The following NRG1 variants were observed in gnomAD, a reference collection of about 807,000 sequenced individuals.
NRG1 encodes the protein neuregulin 1.
NRG1 carries 18 observed loss-of-function variants against 63.8 expected under a neutral mutation model. The ratio of observed to expected loss-of-function variants is 0.28; its 90% CI spans 0.19 to 0.42. The LOEUF is 0.42. Among genes scored for constraint, NRG1 ranks in the 10% least tolerant of loss-of-function variants. The probability of loss-of-function intolerance (pLI) is 1.00; values close to 1 mark genes in which losing one functional copy is unlikely to be tolerated. For synonymous variants in NRG1, 302 were observed against 301.3 expected (o/e 1.00, Z -0.02); for missense variants, 762 against 814.7 (o/e 0.94, Z 0.79).
At chr8:31,818,307 A>G (rs989332197) in intron 1 of NRG1, among the ~76,000 whole-genome samples, 2 of 152,160 alleles carry the variant, frequency 1.3e-5, no homozygotes, top group South Asian at 4.1e-4. Context: ...AACAATTTTT[A>G]TGTTTTAAGC....
intron 1 of NRG1, among the ~76,000 whole-genome samples, chr8:32,093,250 G>A (rs1217302205): frequency 6.6e-6 from 1 of 152,124 alleles, no homozygotes; most frequent in Non-Finnish European, 1.5e-5. Flanking sequence ...TATGCAGGAT[G>A]TGCATAGCCC....
chr8:32,075,478 AT>A (rs897928870), intron 1 of NRG1, among the ~76,000 whole-genome samples: 1 of 152,106 alleles, frequency 6.6e-6, no homozygotes, highest in Non-Finnish European at 1.5e-5. Flanking sequence ...TTTCCAATGT[AT>A]TCCAGAACCC....
intron 1 of NRG1, among the ~76,000 whole-genome samples, chr8:31,942,446 A>G (rs1215754998): frequency 1.3e-5 from 2 of 152,152 alleles, no homozygotes; most frequent in Non-Finnish European, 2.9e-5. Flanking sequence ...AGAAGATAAC[A>G]TCAGAAAAAC....
intron 1 of NRG1, among the ~76,000 whole-genome samples, chr8:31,971,625 G>A (rs995456305): frequency 6.6e-6 from 1 of 151,854 alleles, no homozygotes; most frequent in Non-Finnish European, 1.5e-5. Flanking sequence ...TTTAAATGCA[G>A]TACTTTGACT....
At chr8:32,538,190 A>G (rs1436530971) in intron 1 of NRG1, among the ~76,000 whole-genome samples, 1 of 152,088 alleles carries the variant, frequency 6.6e-6, no homozygotes, top group African/African-American at 2.4e-5. Flanking sequence ...ATATTTAGGC[A>G]GAGATTGGGG....
chr8:32,054,034 T>C (rs1822435439), intron 1 of NRG1, among the ~76,000 whole-genome samples: 1 of 152,240 alleles, frequency 6.6e-6, no homozygotes, highest in Admixed American at 6.5e-5. Context: ...TGTAATGGCC[T>C]AAATATGACA....
chr8:32,445,018 T>A (rs1397265170), intron 1 of NRG1, among the ~76,000 whole-genome samples: 3 of 152,200 alleles, frequency 2.0e-5, no homozygotes, highest in Non-Finnish European at 4.4e-5. Flanking sequence ...GTAGCCATTA[T>A]GGGATGTTTT....
chr8:32,640,620 G>GCACACA (rs58796067), intron 5 of NRG1, among the ~76,000 whole-genome samples: 4,985 of 132,226 alleles, frequency 0.038, 103 homozygotes, highest in Middle Eastern at 0.075. Context: ...TCTCAGACCC[G>GCACACA]CACACACACA....
chr8:32,341,049 G>A (rs569463013), intron 1 of NRG1, among the ~76,000 whole-genome samples: 39 of 152,222 alleles, frequency 2.6e-4, no homozygotes, highest in African/African-American at 7.7e-4. Context: ...TGACAATAAC[G>A]AAACATGAGA....
At chr8:32,624,289 G>T (rs893802940) in intron 5 of NRG1, among the ~76,000 whole-genome samples, 3 of 152,190 alleles carry the variant, frequency 2.0e-5, no homozygotes, top group Non-Finnish European at 2.9e-5. Flanking sequence ...CCAGCTGAGT[G>T]GGGGCTGGGG....
At chr8:31,977,923 AC>A (rs1341966399) in intron 1 of NRG1, among the ~76,000 whole-genome samples, 2 of 152,078 alleles carry the variant, frequency 1.3e-5, no homozygotes, top group East Asian at 3.9e-4. Context: ...GTCTTGACAA[AC>A]GGATTCTACA....
chr8:32,629,250 T>A (rs1449010254), intron 5 of NRG1, among the ~76,000 whole-genome samples: 2 of 152,246 alleles, frequency 1.3e-5, no homozygotes, highest in African/African-American at 4.8e-5. Flanking sequence ...GACTATCTTC[T>A]AGTCCCCAGC....
chr8:31,644,675 C>T (rs1156759123), intron 1 of NRG1, among the ~76,000 whole-genome samples: 1 of 152,068 alleles, frequency 6.6e-6, no homozygotes, highest in Admixed American at 6.5e-5. Context: ...TCTATTCATT[C>T]TTCCGGAAAT....
intron 1 of NRG1, among the ~76,000 whole-genome samples, chr8:31,790,780 C>A (rs1445367723): frequency 6.6e-6 from 1 of 152,144 alleles, no homozygotes; most frequent in African/African-American, 2.4e-5. Context: ...ATAGCCCACC[C>A]TTCCGTGCAA....
intron 1 of NRG1, among the ~76,000 whole-genome samples, chr8:31,952,763 G>C (rs913098198): frequency 2.6e-5 from 4 of 152,162 alleles, no homozygotes; most frequent in Non-Finnish European, 4.4e-5. Flanking sequence ...GACCCAGACC[G>C]CAAAATGTCA....
chr8:32,415,502 T>C (rs569142419), intron 1 of NRG1, among the ~76,000 whole-genome samples: 2 of 152,332 alleles, frequency 1.3e-5, no homozygotes, highest in Admixed American at 1.3e-4. Flanking sequence ...TCAGTGATTT[T>C]TTTTCCTTGG....
intron 1 of NRG1, among the ~76,000 whole-genome samples, chr8:32,577,159 T>C (rs1839813700): frequency 6.6e-6 from 1 of 152,220 alleles, no homozygotes; most frequent in African/African-American, 2.4e-5. Flanking sequence ...GTTTCATTCC[T>C]TTTTATGGCT....
chr8:32,000,610 A>G (rs1716793689), intron 1 of NRG1, among the ~76,000 whole-genome samples: 1 of 151,972 alleles, frequency 6.6e-6, no homozygotes. Flanking sequence ...AATTCATATG[A>G]GTAAGATTAA....
At chr8:32,400,125 T>C (rs1452570341) in intron 1 of NRG1, among the ~76,000 whole-genome samples, 1 of 152,194 alleles carries the variant, frequency 6.6e-6, no homozygotes, top group African/African-American at 2.4e-5. Flanking sequence ...AATAAGGAAA[T>C]GCTGGATAGT....
Sources: gnomAD v4.1 joint callset for allele counts (sites outside exome capture counted in the v4.1 genomes callset) on GRCh38, gnomAD v4.1.1 for gene constraint, MANE v1.5 for transcripts, NCBI Gene and HGNC (gene_info 2026-07-23, HGNC 2026-07-21) for gene names.